EXOC6B: variants seen among roughly 807,000 people sequenced by gnomAD.
EXOC6B encodes SEC15 homolog B.
In EXOC6B, 54 loss-of-function variants were observed where a neutral mutation model predicts 113.5. That is an observed-to-expected ratio of 0.48 (90% CI 0.38 to 0.60). The LOEUF is 0.60. Ranked by LOEUF, EXOC6B falls within the 20% of genes least tolerant of loss-of-function variation. EXOC6B has a pLI of 0.00. For synonymous variants in EXOC6B, 357 were observed against 339.0 expected (o/e 1.05, Z -0.58); for missense variants, 797 against 977.5 (o/e 0.82, Z 2.46).
intron 1 of EXOC6B, among the ~76,000 whole-genome samples, chr2:72,766,397 GATCACATGACTAAAA>G (rs1391626918): frequency 6.6e-5 from 10 of 152,020 alleles, no homozygotes; most frequent in South Asian, 2.1e-4. Flanking sequence ...GCCAAGAGAA[GATCACATGACTAAAA>G]ATCACATGAC....
At chr2:72,811,114 C>T (rs1301956661) in intron 1 of EXOC6B, among the ~76,000 whole-genome samples, 4 of 151,976 alleles carry the variant, frequency 2.6e-5, no homozygotes, top group African/African-American at 9.7e-5. Flanking sequence ...GGGAGGATCA[C>T]TTGATGCCAG....
intron 8 of EXOC6B, among the ~76,000 whole-genome samples, chr2:72,521,927 A>T (rs1701509537): frequency 6.6e-6 from 1 of 152,118 alleles, no homozygotes; most frequent in Non-Finnish European, 1.5e-5. Flanking sequence ...CAATCTCGTG[A>T]CCTTGTGATC....
chr2:72,758,438 C>CAA (rs372704275), intron 1 of EXOC6B, among the ~76,000 whole-genome samples: 2 of 144,908 alleles, frequency 1.4e-5, no homozygotes, highest in Non-Finnish European at 3.0e-5. Context: ...ACAAGATATG[C>CAA]AAAAAAAAAA....
At chr2:72,323,752 G>A (rs778957572) in intron 20 of EXOC6B, among the ~76,000 whole-genome samples, 19 of 149,624 alleles carry the variant, frequency 1.3e-4, no homozygotes, top group African/African-American at 4.2e-4. Flanking sequence ...ACCAAACACC[G>A]TATGTTCCCA....
At chr2:72,422,711 A>C (rs188387991) in intron 18 of EXOC6B, among the ~76,000 whole-genome samples, 1 of 152,128 alleles carries the variant, frequency 6.6e-6, no homozygotes, top group Non-Finnish European at 1.5e-5. Context: ...CACACCAATC[A>C]GCACCCAGTG....
In EXOC6B at chr2:72,676,637, A is replaced by G. The variant is rs550174049; in HGVS notation, c.669+41466T>C. 3.9e-5 allele frequency among the ~76,000 whole-genome samples: 6 copies of G among 152,352 alleles called. No homozygotes were observed. In the South Asian group the frequency reaches 1.2e-3, roughly 32 times the overall value. ...CTGGCCTTCACAGAATCAGAAATTAACAGCATATGGCATCTGGCTACCTGC... is the reference window on the plus strand; with the variant it reads ...CTGGCCTTCACAGAATCAGAAATTAGCAGCATATGGCATCTGGCTACCTGC... On this transcript the variant is annotated intron_variant, in intron 6 of 21. Transcript: ENST00000272427.
intron 16 of EXOC6B, among the ~76,000 whole-genome samples, chr2:72,482,113 T>A (rs915493894): frequency 6.6e-6 from 1 of 152,204 alleles, no homozygotes; most frequent in African/African-American, 2.4e-5. Context: ...GCCAGTGCCT[T>A]TTAGCATAAG....
chr2:72,467,363 C>T (rs147449701), intron 17 of EXOC6B, among the ~76,000 whole-genome samples: 24 of 152,150 alleles, frequency 1.6e-4, no homozygotes, highest in African/African-American at 2.2e-4. Flanking sequence ...AGTGGGATTG[C>T]TGAAACATAT....
chr2:72,617,106 T>C (rs1234416266), intron 6 of EXOC6B, among the ~76,000 whole-genome samples: 4 of 152,180 alleles, frequency 2.6e-5, no homozygotes. Context: ...CAAAATGATC[T>C]CCTTTGACTC....
At chr2:72,354,301 G>A (rs1219962178) in intron 19 of EXOC6B, 1 of 152,228 alleles carries the variant, frequency 6.6e-6, no homozygotes, top group Admixed American at 6.5e-5. Flanking sequence ...CTTTCATGTA[G>A]TAGATCCTTT....
intron 19 of EXOC6B, among the ~76,000 whole-genome samples, chr2:72,371,442 A>C (rs1344606573): frequency 6.6e-6 from 1 of 152,230 alleles, no homozygotes; most frequent in East Asian, 1.9e-4. Flanking sequence ...TCTCAACAAA[A>C]TACTAGCAAA....
At chr2:72,432,491 G>A (rs1278881955) in intron 18 of EXOC6B, among the ~76,000 whole-genome samples, 1 of 152,134 alleles carries the variant, frequency 6.6e-6, no homozygotes, top group African/African-American at 2.4e-5. Flanking sequence ...GATCCTTGAG[G>A]AATCACCACA....
At chr2:72,613,530 AAAAC>A (rs1330337608) in intron 6 of EXOC6B, among the ~76,000 whole-genome samples, 2 of 152,160 alleles carry the variant, frequency 1.3e-5, no homozygotes, top group African/African-American at 2.4e-5. Flanking sequence ...TAGTTATACA[AAAAC>A]AAAGTATAAA....
chr2:72,457,393 G>A (rs1234535061), intron 18 of EXOC6B, among the ~76,000 whole-genome samples: 1 of 152,052 alleles, frequency 6.6e-6, no homozygotes, highest in African/African-American at 2.4e-5. Context: ...AGAAAGTAAG[G>A]CCAGGGATAG....
In EXOC6B at chr2:72,179,175, T is replaced by A. The variant is rs1677925870; in HGVS notation, c.*160A>T. 8.6e-6 allele frequency: 7 copies of A among 809,346 alleles called. No individual in the cohort carries two copies. In the Admixed American group the frequency reaches 2.3e-4, roughly 27 times the overall value. The allele number at this position is 809,346 out of a possible 1,614,324, so 50.1% of individuals were successfully genotyped here. On this transcript the variant is annotated 3_prime_UTR_variant, in exon 22 of 22. Transcript: ENST00000272427. ...TACTTGCTTATTCTTGTGCCTCTTT[T>A]ACTATAGGGAAATGTTATGTGAATA...
intron 20 of EXOC6B, among the ~76,000 whole-genome samples, chr2:72,324,793 T>C (rs1688032148): frequency 1.3e-5 from 2 of 152,106 alleles, no homozygotes; most frequent in South Asian, 4.2e-4. Flanking sequence ...AGCCCTATTT[T>C]TCTGATGCTT....
At chr2:72,312,287 C>T (rs576529993) in intron 20 of EXOC6B, among the ~76,000 whole-genome samples, 1 of 151,692 alleles carries the variant, frequency 6.6e-6, no homozygotes, top group African/African-American at 2.4e-5. Flanking sequence ...AGCGGGCCAT[C>T]CCCTGTTGTC....
intron 5 of EXOC6B, among the ~76,000 whole-genome samples, chr2:72,720,667 C>T (rs910296572): frequency 2.6e-5 from 4 of 151,938 alleles, no homozygotes; most frequent in African/African-American, 7.3e-5. Flanking sequence ...GTGGGAGGAT[C>T]ACTTAAACCC....
chr2:72,730,492 G>A (rs994421515), intron 5 of EXOC6B, among the ~76,000 whole-genome samples: 1 of 151,774 alleles, frequency 6.6e-6, no homozygotes, highest in African/African-American at 2.4e-5. Context: ...CTACACTGCA[G>A]CTTTTGCTAT....
Sources: allele counts gnomAD v4.1 joint callset (sites outside exome capture counted in the v4.1 genomes callset), GRCh38; gene constraint gnomAD v4.1.1; transcripts MANE v1.5; gene names NCBI Gene and HGNC (gene_info 2026-07-23, HGNC 2026-07-21).